Variants in TRRAP observed in about 807,000 individuals in gnomAD.
TRRAP encodes the protein transformation/transcription domain-associated protein.
TRRAP carries 41 observed loss-of-function variants against 438.8 expected under a neutral mutation model. The ratio of observed to expected loss-of-function variants is 0.09; its 90% confidence interval spans 0.07 to 0.12. TRRAP has a LOEUF of 0.12. Ranked by LOEUF, TRRAP falls within the 10% of genes least tolerant of loss-of-function variation. The probability of loss-of-function intolerance (pLI) is 1.00; values close to 1 mark genes in which losing one functional copy is unlikely to be tolerated. For synonymous variants in TRRAP, 1,994 were observed against 1,962.9 expected (o/e 1.02, Z -0.42); for missense variants, 3,122 against 5,055.1 (o/e 0.62, Z 11.60).
chr7:98,949,754 T>C lies in TRRAP; in HGVS notation c.5048T>C (p.Phe1683Ser). ...QLRRVWVSEN[F>S]QERHRKENMA... ...CGACGTGTGTGGGTGAGTGAGAACT[T>C]CCAAGAGAGGCACCGCAAGGAGAAC... The change falls in exon 37 of 73, where the codon TTC becomes TCC. Residue 1683 changes from phenylalanine to serine, a missense_variant. Physicochemically the swap from Phe to Ser is radical, Grantham distance 155. Transcript: ENST00000456197. The C allele has an allele frequency of 1.2e-6, 2 of 1,613,866 alleles. No homozygotes were observed. Among genetic ancestry groups the C allele is most frequent in the South Asian group, 2.2e-5 (2 of 91,086 alleles).
intron 70 of TRRAP, 95 bp from the exon 71 acceptor site, chr7:99,010,957 G>A (rs1794400761): frequency 7.8e-7 from 1 of 1,278,306 alleles, no homozygotes; most frequent in Non-Finnish European, 1.1e-6. Context: ...TTTGCTCTTG[G>A]TGCTAAGTTA....
At chr7:98,935,061 G>A (rs1554413899) in intron 27 of TRRAP, among the ~76,000 whole-genome samples, 1 of 152,064 alleles carries the variant, frequency 6.6e-6, no homozygotes, top group Non-Finnish European at 1.5e-5. Context: ...ATCTACTTGT[G>A]TGGTAAAATA....
chr7:98,936,084 A>G (rs1790539800), intron 28 of TRRAP, among the ~76,000 whole-genome samples: 1 of 152,198 alleles, frequency 6.6e-6, no homozygotes, highest in African/African-American at 2.4e-5. Flanking sequence ...CTCAGTTATC[A>G]TTGTCAAGCA....
rs375768204 is a variant in TRRAP, at chr7:98,959,519, C to T, written c.6489+29C>T. On this transcript the variant is annotated intron_variant, in intron 45 of 72. Coordinates refer to ENST00000456197, the MANE Select transcript of TRRAP (RefSeq NM_001375524.1). ...AGTGCGAGTGTCTGAAGGGCCAGGG[C>T]AGCGCCACCGAGGCCACTAGCAGAT... The T allele has an allele frequency of 8.1e-6, 13 of 1,604,012 alleles. No homozygotes were observed. The African/African-American group carries it at 1.5e-4, about 18-fold the overall frequency.
chr7:98,893,158 G>T (rs782080354), intron 5 of TRRAP, among the ~76,000 whole-genome samples: 1 of 152,050 alleles, frequency 6.6e-6, no homozygotes, highest in African/African-American at 2.4e-5. Context: ...CGCCATGTTG[G>T]TCAGGCTTGT....
At chr7:98,893,954 C>T (rs895219951) in intron 6 of TRRAP, 73 bp downstream of exon 6, 11 of 1,471,286 alleles carry the variant, frequency 7.5e-6, no homozygotes, top group Admixed American at 1.9e-5. Flanking sequence ...TTTTTGCTGT[C>T]TCAAAGTTGG....
At chr7:98,963,616 G>A (rs1241865133) in intron 47 of TRRAP, among the ~76,000 whole-genome samples, 3 of 152,162 alleles carry the variant, frequency 2.0e-5, no homozygotes, top group African/African-American at 7.2e-5. Flanking sequence ...GAACCACAGA[G>A]TACACCCCAT....
intron 48 of TRRAP, 62 bp downstream of exon 48, chr7:98,964,837 T>C (rs1792079580): frequency 4.5e-6 from 7 of 1,538,854 alleles, no homozygotes; most frequent in Non-Finnish European, 6.1e-6. Context: ...CAGACTCTGT[T>C]GTGCAGGCTG....
rs142573809 is a variant in TRRAP at position 98,964,793 on chromosome 7, G to T, written c.6976+18G>T. 1 of 1,603,210 alleles carries T rather than the reference G, an allele frequency of 6.2e-7. No individual in the cohort carries two copies. Among genetic ancestry groups the T allele is most frequent in the South Asian group, 1.1e-5 (1 of 89,324 alleles). ...CACCTCAGGTGATGTGCTGGCCACC[G>T]GGGGCCTTTCCTCAGACTCTGTTGA... is the stretch of plus-strand genomic sequence containing the variant. On this transcript the variant is annotated intron_variant, in intron 48 of 72. Coordinates refer to ENST00000456197, the MANE Select transcript of TRRAP (RefSeq NM_001375524.1).
intron 33 of TRRAP, among the ~76,000 whole-genome samples, chr7:98,946,853 AAGC>A (rs1283795713): frequency 3.3e-4 from 51 of 152,336 alleles, no homozygotes; most frequent in Admixed American, 1.0e-3. Flanking sequence ...GAAAATGAAA[AAGC>A]AGATTGTAAA....
intron 13 of TRRAP, among the ~76,000 whole-genome samples, chr7:98,907,697 A>G (rs971918126): frequency 1.3e-5 from 2 of 152,174 alleles, no homozygotes; most frequent in Admixed American, 6.5e-5. Flanking sequence ...CCTGTTCTAC[A>G]TCTTGTGTTG....
chr7:98,967,565 T>C lies in TRRAP; in HGVS notation c.7379T>C (p.Leu2460Pro). Reference sequence around the variant, plus strand: ...TCTGGGCTGCGCTGTGCCCAGCCACTCATCAGGGCAAAGTTTTTCGAGGTT... The same window carrying C: ...TCTGGGCTGCGCTGTGCCCAGCCACCCATCAGGGCAAAGTTTTTCGAGGTT... ...FLSGLRCAQP[L>P]IRAKFFEVFD... Residue 2460 changes from leucine to proline, a missense_variant, in exon 51 of 73, where the codon CTC becomes CCC. By Grantham distance (98) the Leu-to-Pro change is moderately conservative. Transcript: ENST00000456197. 6.2e-7 allele frequency: 1 copy of C among 1,614,106 alleles called. No homozygotes were observed. Among genetic ancestry groups the C allele is most frequent in the East Asian group, 2.2e-5 (1 of 44,866 alleles).
At chr7:98,878,664 G>A (rs1432390115) in intron 1 of TRRAP, 27 bp downstream of exon 1, 4 of 151,606 alleles carry the variant, frequency 2.6e-5, no homozygotes, top group African/African-American at 7.3e-5. Context: ...GCGTCCGAAC[G>A]GCCCCGGGAG....
chr7:98,961,375 C>T lies in TRRAP; in HGVS notation c.6604C>T (p.Arg2202Cys). Reference protein sequence around the residue: ...AILSSFKPLQRGIAACMTCGN... With the variant: ...AILSSFKPLQCGIAACMTCGN... The stretch of plus-strand genomic sequence containing the variant: ...CCTCAGTAGCTTCAAACCTCTGCAG[C>T]GTGGAATTGCCGCCTGCATGACATG... The change falls in exon 46 of 73, where the codon CGT (arginine) becomes TGT (cysteine). Residue 2202 changes from arginine (R) to cysteine (C), a missense_variant. Arg to Cys is a radical substitution (Grantham distance 180). Around this residue, in one of 24 missense-constraint regions of TRRAP, gnomAD observed 992 missense variants for 1,281.2 expected, o/e 0.77. Transcript: ENST00000456197. 1.2e-6 allele frequency: 2 copies of T among 1,614,210 alleles called. No individual in the cohort carries two copies. Among genetic ancestry groups the T allele is most frequent in the Non-Finnish European group, 1.7e-6 (2 of 1,180,042 alleles).
At chr7:98,960,773 G>A (rs1791855009) in intron 45 of TRRAP, among the ~76,000 whole-genome samples, 1 of 151,712 alleles carries the variant, frequency 6.6e-6, no homozygotes, top group Non-Finnish European at 1.5e-5. Flanking sequence ...GTGTGTGTGT[G>A]TGTGTGTGTG....
chr7:98,999,001 CG>C (rs1698352549), intron 67 of TRRAP: 2 of 654,818 alleles, frequency 3.1e-6, no homozygotes, highest in African/African-American at 1.8e-5. Context: ...CCCCCACAGG[CG>C]GGGGCAGCAC....
At chr7:98,980,820 A>C (rs923669078) in intron 58 of TRRAP, among the ~76,000 whole-genome samples, 1 of 152,078 alleles carries the variant, frequency 6.6e-6, no homozygotes, top group Non-Finnish European at 1.5e-5. Flanking sequence ...TTGGGAGGCC[A>C]AGGCAGGCAG....
chr7:98,966,541 C>T (rs183823292), intron 49 of TRRAP, among the ~76,000 whole-genome samples: 181 of 152,162 alleles, frequency 1.2e-3, no homozygotes, highest in African/African-American at 4.1e-3. Context: ...AAAAATTAGT[C>T]AGGTATGGTG....
rs1281809965 is a variant in TRRAP, at chr7:98,959,952, AAAG to A, written c.6489+465_6489+467del. Among the ~76,000 whole-genome samples the A allele has an allele frequency of 1.1e-3, 158 of 149,538 alleles. 2 individuals carry two copies. Among genetic ancestry groups the A allele is most frequent in the African/African-American group, 3.4e-3 (137 of 39,958 alleles). On this transcript the variant is annotated intron_variant, in intron 45 of 72. Transcript: ENST00000456197. ...CTGGTCTCTTAAAAAAAAAAAAAAA[AAAG>A]AAAAAGAAAAGAAAAGAAAGAATGG... is the stretch of plus-strand genomic sequence containing the variant.
Sources: allele counts gnomAD v4.1 joint callset (sites outside exome capture counted in the v4.1 genomes callset), GRCh38; gene constraint gnomAD v4.1.1; regional missense constraint gnomAD v4.1.1; transcripts MANE v1.5; gene names NCBI Gene and HGNC (gene_info 2026-07-23, HGNC 2026-07-21).